Variants in ALDH1A3 observed in about 807,000 individuals in gnomAD.
ALDH1A3 encodes the protein retinaldehyde dehydrogenase 3.
Under a neutral mutation model 57.5 loss-of-function variants are expected in ALDH1A3, and 28 were observed. That is an observed-to-expected ratio of 0.49 (90% CI 0.36 to 0.67). ALDH1A3 has a LOEUF of 0.67. Ranked by LOEUF, ALDH1A3 falls within the 30% of genes least tolerant of loss-of-function variation. The probability of loss-of-function intolerance (pLI) is 0.00; values close to 1 mark genes in which losing one functional copy is unlikely to be tolerated. For missense variants in ALDH1A3, 507 were observed against 669.4 expected, an observed-to-expected ratio of 0.76 and a Z score of 2.68; for synonymous variants, 281 against 264.8, an observed-to-expected ratio of 1.06 and a Z score of -0.59.
intron 3 of ALDH1A3, among the ~76,000 whole-genome samples, chr15:100,888,021 G>A (rs1596206881): frequency 6.6e-6 from 1 of 152,088 alleles, no homozygotes; most frequent in African/African-American, 2.4e-5. Flanking sequence ...ACCATGAGCT[G>A]GGCCATATCC....
chr15:100,895,644 A>G, intron 6 of ALDH1A3: 1 of 443,816 alleles, frequency 2.3e-6, no homozygotes, highest in South Asian at 3.0e-5. Context: ...ACCTTGAAGC[A>G]TAACCACACA....
At position 100,898,074 on chromosome 15, in the gene ALDH1A3, G is replaced by A; in HGVS notation, c.781-9G>A. 1 of 1,613,000 alleles carries A rather than the reference G, an allele frequency of 6.2e-7. No homozygotes were observed. The highest frequency in any genetic ancestry group is 1.1e-5 in the South Asian group (1 of 90,952). ...CAAGGTAAATTGTGATCTGTGTTCT[G>A]TCCTGGAGGTTGGAAAACTGGTTAA... On this transcript the variant is annotated splice_polypyrimidine_tract_variant and intron_variant, in intron 7 of 12. Transcript: ENST00000329841.
chr15:100,902,157 T>G (rs1386463843), intron 9 of ALDH1A3, among the ~76,000 whole-genome samples: 1 of 152,240 alleles, frequency 6.6e-6, no homozygotes, highest in Non-Finnish European at 1.5e-5. Flanking sequence ...CCCGTCGTTA[T>G]TTGTAAGTCT....
At chr15:100,900,190 C>T (rs914150778) in intron 8 of ALDH1A3, among the ~76,000 whole-genome samples, 2 of 152,186 alleles carry the variant, frequency 1.3e-5, no homozygotes, top group Non-Finnish European at 2.9e-5. Flanking sequence ...AAGTTCTCGC[C>T]AGGGGGCCTA....
At chr15:100,892,325 C>A in intron 3 of ALDH1A3, 185 bp from the exon 4 acceptor site, 1 of 737,554 alleles carries the variant, frequency 1.4e-6, no homozygotes. Context: ...AAGCAATCCT[C>A]ACACTCAGAG....
intron 12 of ALDH1A3, among the ~76,000 whole-genome samples, chr15:100,910,596 T>A (rs1189508291): frequency 6.6e-6 from 1 of 152,180 alleles, no homozygotes; most frequent in African/African-American, 2.4e-5. Flanking sequence ...TAAGTGACAG[T>A]CAGAAATGAA....
rs150483707 is a variant in ALDH1A3, at chr15:100,883,509, C to T, written c.100-1758C>T. Reference sequence around the variant, plus strand: ...CAGACAGGCAAATCCCAATGGTGACCGATGCTCTCAGTTCTGGATTCCAAA... The same window carrying T: ...CAGACAGGCAAATCCCAATGGTGACTGATGCTCTCAGTTCTGGATTCCAAA... On this transcript the variant is annotated intron_variant, in intron 1 of 12. Transcript: ENST00000329841. 1.8e-3 allele frequency among the ~76,000 whole-genome samples: 269 copies of T among 152,288 alleles called. 2 individuals are homozygous for T. Among genetic ancestry groups the T allele is most frequent in the African/African-American group, 6.2e-3 (257 of 41,544 alleles).
rs559530268 is a variant in ALDH1A3 at position 100,891,640 on chromosome 15, CCTT to C, written c.346-865_346-863del. Among the ~76,000 whole-genome samples, 293 of 152,292 alleles carry C rather than the reference CCTT, an allele frequency of 1.9e-3. 1 individual carries two copies. The highest frequency in any genetic ancestry group is 3.5e-3 in the Non-Finnish European group (237 of 68,018). On this transcript the variant is annotated intron_variant, in intron 3 of 12. Coordinates refer to ENST00000329841, the MANE Select transcript of ALDH1A3 (RefSeq NM_000693.4). ...TTAAAGCCCTGGATCTGAGGAGGGG[CCTT>C]CTTCCTTTTTCAATCACCATCTCAC... is the stretch of plus-strand genomic sequence containing the variant.
chr15:100,900,413 T>A (rs570502189), intron 8 of ALDH1A3, among the ~76,000 whole-genome samples, 162 bp from the exon 9 acceptor site: 3 of 152,346 alleles, frequency 2.0e-5, no homozygotes, highest in African/African-American at 4.8e-5. Context: ...CCTTCCTCTC[T>A]ATTTGGGAAA....
chr15:100,887,933 G>A lies in ALDH1A3; in HGVS notation c.345+221G>A, dbSNP rs1368236117. On this transcript the variant is annotated intron_variant, in intron 3 of 12. Transcript: ENST00000329841. This position sits in a 1 kb window ranked among gnomAD's most constrained non-coding sequence, Gnocchi z 4.6. ...TCAGACTTTTGTCCTCTGCAGCTCA[G>A]CTTCTTGACCAAGTTGTTGTCTATA... Among the ~76,000 whole-genome samples, 1 of 152,120 alleles carries A rather than the reference G, an allele frequency of 6.6e-6. No individual in the cohort carries two copies. Among genetic ancestry groups the A allele is most frequent in the Non-Finnish European group, 1.5e-5 (1 of 68,042 alleles).
intron 12 of ALDH1A3, among the ~76,000 whole-genome samples, chr15:100,908,969 C>T (rs1280943657): frequency 6.6e-6 from 1 of 152,154 alleles, no homozygotes; most frequent in African/African-American, 2.4e-5. Flanking sequence ...TGCTGGGCCT[C>T]TGCGGCCCTC....
chr15:100,907,294 G>A lies in ALDH1A3; in HGVS notation c.1391+16G>A. On this transcript the variant is annotated intron_variant, in intron 11 of 12. Transcript: ENST00000329841. ...GAACGGTCTGGTGAGTTGACTGTGT[G>A]TGTATTTCAGCTCTCCTGAGTTGCT... 10 of 1,609,406 alleles carry A rather than the reference G, an allele frequency of 6.2e-6. No individual in the cohort carries two copies. The highest frequency in any genetic ancestry group is 8.5e-6 in the Non-Finnish European group (10 of 1,178,270).
In ALDH1A3 at chr15:100,897,229, G is replaced by A. The variant is rs546527068; in HGVS notation, c.781-854G>A. On this transcript the variant is annotated intron_variant, in intron 7 of 12. Transcript: ENST00000329841. ...ATGAGCTTGCTGATGTTTAAAATGC[G>A]CTCACACCTTAGCATTGGAGAAAAC... is the stretch of plus-strand genomic sequence containing the variant. 2.9e-4 allele frequency among the ~76,000 whole-genome samples: 44 copies of A among 152,300 alleles called. No homozygotes were observed. In the South Asian group the frequency reaches 7.0e-3, roughly 24 times the overall value.
rs1213690160 is a variant in ALDH1A3 at position 100,908,470 on chromosome 15, A to T, written c.1454A>T (p.Asn485Ile). The T allele has an allele frequency of 6.2e-7, 1 of 1,612,738 alleles. No individual in the cohort carries two copies. The highest frequency in any genetic ancestry group is 1.3e-5 in the African/African-American group (1 of 74,888). Reference protein sequence around the residue: ...APFGGFKMSGNGRELGEYALA... With the variant: ...APFGGFKMSGIGRELGEYALA... ...TTTGGTGGCTTTAAAATGTCAGGAAATGGCAGAGAACTGTAAGTGTTTCCA... is the reference window on the plus strand; with the variant it reads ...TTTGGTGGCTTTAAAATGTCAGGAATTGGCAGAGAACTGTAAGTGTTTCCA... Residue 485 changes from asparagine (N) to isoleucine (I), a missense_variant, in exon 12 of 13, where the codon AAT (asparagine) becomes ATT (isoleucine). By Grantham distance (149) the Asn-to-Ile change is moderately radical. Around this residue, in one of 2 missense-constraint regions of ALDH1A3, gnomAD observed 432 missense variants for 608.4 expected, o/e 0.71. Transcript: ENST00000329841.
Position 100,914,704 on chromosome 15 carries a change from T to G in ALDH1A3, c.1470T>G (p.Gly490=). Reference sequence around the variant, plus strand: ...TTCCTCTTTTCTGTGATCACAGAGGTGAATACGCTTTGGCCGAATACACAG... The same window carrying G: ...TTCCTCTTTTCTGTGATCACAGAGGGGAATACGCTTTGGCCGAATACACAG... ...FKMSGNGREL[G]EYALAEYTEV... Residue 490 remains glycine, a synonymous_variant, in exon 13 of 13, where the codon GGT becomes GGG. Transcript: ENST00000329841. The G allele has an allele frequency of 6.2e-7, 1 of 1,613,940 alleles. No individual in the cohort carries two copies. Among genetic ancestry groups the G allele is most frequent in the Non-Finnish European group, 8.5e-7 (1 of 1,179,946 alleles).
chr15:100,885,499 G>A (rs1475404989), intron 2 of ALDH1A3, 128 bp downstream of exon 2: 3 of 639,598 alleles, frequency 4.7e-6, no homozygotes, highest in East Asian at 5.6e-5. Flanking sequence ...CTAGCTGCGT[G>A]AATTGGCATG....
chr15:100,888,787 A>G (rs561934318), intron 3 of ALDH1A3: 9 of 152,362 alleles, frequency 5.9e-5, no homozygotes, highest in African/African-American at 2.2e-4. Context: ...TGTAAGAATG[A>G]TCTATTTAAG....
intron 9 of ALDH1A3, among the ~76,000 whole-genome samples, chr15:100,901,069 C>A (rs2141564206): frequency 6.6e-6 from 1 of 152,304 alleles, no homozygotes; most frequent in East Asian, 1.9e-4. Context: ...TGGCTGAAGG[C>A]AGCAGAGTGC....
chr15:100,916,585 C>G lies in ALDH1A3; in HGVS notation c.*1812C>G, dbSNP rs549796323. On this transcript the variant is annotated 3_prime_UTR_variant, in exon 13 of 13. Transcript: ENST00000329841. ...CCGATCCTAGCTGCAGATCGCATCC[C>G]ACAATGCGAGAATGATAAAATAAAA... The G allele has an allele frequency of 2.0e-5, 3 of 152,362 alleles. No individual in the cohort carries two copies. Among genetic ancestry groups the G allele is most frequent in the African/African-American group, 4.8e-5 (2 of 41,572 alleles). The allele number at this position is 152,362 out of a possible 1,614,324, so 9.4% of individuals were successfully genotyped here.
Sources: allele counts gnomAD v4.1 joint callset (sites outside exome capture counted in the v4.1 genomes callset), GRCh38; gene constraint gnomAD v4.1.1; regional missense constraint gnomAD v4.1.1; non-coding constraint Gnocchi (gnomAD v3.1); transcripts MANE v1.5; gene names NCBI Gene and HGNC (gene_info 2026-07-23, HGNC 2026-07-21).